The following LRRC37A2 variants were observed in gnomAD, a reference collection of about 807,000 sequenced individuals.
The protein encoded by LRRC37A2 is leucine-rich repeat-containing protein 37A2.
In LRRC37A2, 9 loss-of-function variants were observed where a neutral mutation model predicts 68.8. The ratio of observed to expected loss-of-function variants is 0.13; its 90% CI spans 0.08 to 0.23. LRRC37A2 has a LOEUF of 0.23. Among genes scored for constraint, LRRC37A2 ranks in the 10% least tolerant of loss-of-function variants. The pLI is 1.00. For synonymous variants in LRRC37A2, 63 were observed against 367.6 expected (o/e 0.17, Z 9.48); for missense variants, 168 against 950.4 (o/e 0.18, Z 10.82).
chr17:46,831,389 A>T, the LRRC37A2 span: 1 of 152,212 alleles, frequency 6.6e-6, no homozygotes, highest in Admixed American at 6.5e-5. Context: ...ATCCAGCCTT[A>T]AGAGTGGGTT....
At chr17:47,036,607 C>T in the LRRC37A2 span, among the ~76,000 whole-genome samples, 28,968 of 151,294 alleles carry the variant, frequency 0.19, 3,552 homozygotes, top group East Asian at 0.56. Flanking sequence ...ATTATTTCCA[C>T]GTAGAATTGT....
chr17:46,489,443 G>T, the LRRC37A2 span, among the ~76,000 whole-genome samples: 2 of 100,330 alleles, frequency 2.0e-5, no homozygotes, highest in African/African-American at 6.8e-5. Context: ...ACCTTCCCTA[G>T]TCTGTGCTTA....
the LRRC37A2 span, chr17:47,019,279 C>T: frequency 1.3e-6 from 2 of 1,594,664 alleles, no homozygotes; most frequent in Admixed American, 3.4e-5. Flanking sequence ...CCAGGACACC[C>T]TGAGGTGACA....
chr17:46,685,550 G>A, the LRRC37A2 span, among the ~76,000 whole-genome samples: 1 of 151,698 alleles, frequency 6.6e-6, no homozygotes, highest in Non-Finnish European at 1.5e-5. Context: ...GCTCAACAGC[G>A]TCAGCTCTGT....
the LRRC37A2 span, among the ~76,000 whole-genome samples, chr17:46,810,254 C>T: frequency 3.9e-5 from 6 of 152,064 alleles, no homozygotes; most frequent in Non-Finnish European, 7.4e-5. Flanking sequence ...GTGATCCACC[C>T]GCCTCGGCCT....
chr17:46,765,667 G>A, the LRRC37A2 span, among the ~76,000 whole-genome samples: 8 of 152,256 alleles, frequency 5.3e-5, no homozygotes, highest in Admixed American at 4.6e-4. Flanking sequence ...AGTCTCGGCC[G>A]AGCCTGGGCC....
the LRRC37A2 span, among the ~76,000 whole-genome samples, chr17:46,709,788 C>T: frequency 1.3e-5 from 2 of 152,134 alleles, no homozygotes; most frequent in Non-Finnish European, 2.9e-5. Context: ...AGTCACTGCG[C>T]CCGGCCATGA....
At chr17:46,990,204 G>C in the LRRC37A2 span, among the ~76,000 whole-genome samples, 2 of 152,174 alleles carry the variant, frequency 1.3e-5, no homozygotes, top group African/African-American at 4.8e-5. Context: ...TGAAGTCCCA[G>C]ACACAGAAGA....
the LRRC37A2 span, chr17:46,713,735 A>G: frequency 2.4e-6 from 2 of 834,640 alleles, no homozygotes; most frequent in Non-Finnish European, 3.7e-6. Context: ...TGTGTCAGGA[A>G]ATGTTAATGA....
the LRRC37A2 span, among the ~76,000 whole-genome samples, chr17:46,806,090 TAAGC>T: frequency 6.6e-6 from 1 of 152,168 alleles, no homozygotes; most frequent in Non-Finnish European, 1.5e-5. Flanking sequence ...CGGGACATCA[TAAGC>T]GAGGAATTAC....
At chr17:46,917,918 C>A in the LRRC37A2 span, among the ~76,000 whole-genome samples, 1 of 152,128 alleles carries the variant, frequency 6.6e-6, no homozygotes, top group African/African-American at 2.4e-5. Context: ...AGTTCCTGGA[C>A]CCAGACAGAA....
chr17:47,012,808 A>C, the LRRC37A2 span, among the ~76,000 whole-genome samples: 2,906 of 152,350 alleles, frequency 0.019, 51 homozygotes, highest in Non-Finnish European at 0.025. Flanking sequence ...CACTTTGGAA[A>C]TCTGGTAGGC....
At chr17:46,783,590 G>C in the LRRC37A2 span, among the ~76,000 whole-genome samples, 1 of 152,186 alleles carries the variant, frequency 6.6e-6, no homozygotes, top group Non-Finnish European at 1.5e-5. Context: ...ATGGTCCCAA[G>C]GCACTTGTAA....
chr17:46,779,103 A>ACACACACACACACACACACCCC, the LRRC37A2 span, among the ~76,000 whole-genome samples: 20 of 133,662 alleles, frequency 1.5e-4, 1 homozygote, highest in East Asian at 1.0e-3. Flanking sequence ...ACACACACAC[A>ACACACACACACACACACACCCC]CCCCAGCCCA....
chr17:46,749,790 C>T, the LRRC37A2 span: 1 of 1,613,914 alleles, frequency 6.2e-7, no homozygotes, highest in Non-Finnish European at 8.5e-7. Context: ...AGCTTCTTAT[C>T]ATTGGGACCA....
chr17:46,790,360 C>T, the LRRC37A2 span, among the ~76,000 whole-genome samples: 2 of 152,138 alleles, frequency 1.3e-5, no homozygotes, highest in African/African-American at 2.4e-5. Context: ...TAGTAAGTGG[C>T]CCTGCTGAGC....
At chr17:46,529,103 A>G (rs888869024) in intron 6 of LRRC37A2, among the ~76,000 whole-genome samples, 5 of 130,230 alleles carry the variant, frequency 3.8e-5, no homozygotes, top group African/African-American at 1.4e-4. Context: ...TAAGACAGTG[A>G]TGACATGCTC....
chr17:46,458,531 C>T, the LRRC37A2 span, among the ~76,000 whole-genome samples: 180 of 39,670 alleles, frequency 4.5e-3, no homozygotes, highest in African/African-American at 0.011. Context: ...TCTTCTTCTT[C>T]TTTTTTTTTT....
the LRRC37A2 span, among the ~76,000 whole-genome samples, chr17:46,783,717 G>A: frequency 2.6e-5 from 4 of 152,206 alleles, no homozygotes; most frequent in African/African-American, 9.6e-5. Flanking sequence ...AGCAGCTACC[G>A]AGCTGGAGAA....
Sources: gnomAD v4.1 joint callset for allele counts (sites outside exome capture counted in the v4.1 genomes callset) on GRCh38, gnomAD v4.1.1 for gene constraint, MANE v1.5 for transcripts, NCBI Gene and HGNC (gene_info 2026-07-23, HGNC 2026-07-21) for gene names.